The following F13A1 variants were observed in gnomAD, a reference collection of about 807,000 sequenced individuals.
F13A1 encodes the protein coagulation factor XIII A chain.
A neutral mutation model predicts 80.1 loss-of-function variants in F13A1; 47 were observed. That is an observed-to-expected ratio of 0.59 (90% confidence interval 0.46 to 0.75). F13A1 has a LOEUF of 0.75. Ranked by LOEUF, F13A1 falls within the 30% of genes least tolerant of loss-of-function variation. F13A1 has a pLI of 0.00. For missense variants in F13A1, 817 were observed against 930.4 expected, an observed-to-expected ratio of 0.88 and a Z score of 1.59; for synonymous variants, 349 against 344.9, an observed-to-expected ratio of 1.01 and a Z score of -0.13.
chr6:6,220,280 C>G (rs1013366095), intron 8 of F13A1, among the ~76,000 whole-genome samples: 3 of 152,154 alleles, frequency 2.0e-5, no homozygotes, highest in Admixed American at 6.5e-5. Flanking sequence ...CCAGGAAGAA[C>G]AGTCTCAGGG....
At chr6:6,209,323 T>TAAAAAAAA (rs34436663) in intron 8 of F13A1, among the ~76,000 whole-genome samples, 2 of 131,784 alleles carry the variant, frequency 1.5e-5, no homozygotes, top group Non-Finnish European at 1.7e-5. Flanking sequence ...CAATAATAAT[T>TAAAAAAAA]AAAAAAAAAA....
intron 4 of F13A1, among the ~76,000 whole-genome samples, chr6:6,262,580 C>A (rs1314800356): frequency 1.3e-5 from 2 of 152,098 alleles, no homozygotes; most frequent in East Asian, 3.9e-4. Context: ...GAGCACCCTC[C>A]CGGCATGTCC....
chr6:6,232,605 T>G (rs1246396864), intron 6 of F13A1, among the ~76,000 whole-genome samples: 1 of 152,116 alleles, frequency 6.6e-6, no homozygotes, highest in Non-Finnish European at 1.5e-5. Context: ...CAAATGGACT[T>G]AACAGATATA....
At chr6:6,246,325 C>T (rs575251461) in intron 6 of F13A1, among the ~76,000 whole-genome samples, 62 of 152,186 alleles carry the variant, frequency 4.1e-4, no homozygotes, top group African/African-American at 1.4e-3. Context: ...TAAAACGGAA[C>T]AGATTTTGGA....
intron 6 of F13A1, among the ~76,000 whole-genome samples, chr6:6,229,167 T>C (rs113614163): frequency 2.6e-5 from 4 of 152,208 alleles, no homozygotes; most frequent in African/African-American, 9.6e-5. Context: ...ACAAGAATGA[T>C]GCAAGTTTGA....
At chr6:6,200,692 G>A (rs1030474109) in intron 8 of F13A1, among the ~76,000 whole-genome samples, 12 of 152,294 alleles carry the variant, frequency 7.9e-5, no homozygotes, top group Middle Eastern at 3.4e-3. Context: ...GAGGAATGGA[G>A]GAAGGTAGAG....
In F13A1 at chr6:6,320,600, C is replaced by T. The variant is rs1266696053; in HGVS notation, c.-32G>A. 1.1e-5 allele frequency: 5 copies of T among 469,508 alleles called. No homozygotes were observed. The highest frequency in any genetic ancestry group is 2.2e-5 in the Non-Finnish European group (5 of 226,164). 29.1% of individuals were successfully genotyped at this position (469,508 alleles called of 1,614,324 possible). A position where few individuals can be genotyped will look rare whatever the true frequency, so the allele number is the denominator to read the frequency against. On this transcript the variant is annotated 5_prime_UTR_variant, in exon 1 of 15. Transcript: ENST00000264870. ...TCGGTGGCTTACCTGCAGGCGCTCC[C>T]CTCCAGAGGTGCCCTCGCGTGGGCT...
rs771870204 is a variant in F13A1 at position 6,224,673 on chromosome 6, G to T, written c.973+13C>A. 177 of 1,612,364 alleles carry T rather than the reference G, an allele frequency of 1.1e-4. No individual in the cohort carries two copies. Among genetic ancestry groups the T allele is most frequent in the Non-Finnish European group, 1.5e-4 (174 of 1,178,678 alleles). On this transcript the variant is annotated intron_variant, in intron 7 of 14. Transcript: ENST00000264870. ...CTTTATATTAAAAAGAAATTACTCA[G>T]TTGGATACTTACATGTGTTAAAGAC...
intron 14 of F13A1, among the ~76,000 whole-genome samples, chr6:6,150,051 C>T (rs544955370): frequency 1.3e-5 from 2 of 152,162 alleles, no homozygotes; most frequent in African/African-American, 2.4e-5. Flanking sequence ...CTAAGACACA[C>T]AGTGTCTTTT....
intron 2 of F13A1, among the ~76,000 whole-genome samples, chr6:6,313,280 C>CTTTTTTTTTTTTTTTTTTTTTTTTTT (rs5874027): frequency 1.6e-5 from 2 of 126,786 alleles, no homozygotes; most frequent in African/African-American, 6.1e-5. Flanking sequence ...GCTAAGCCGC[C>CTTTTTTTTTTTTTTTTTTTTTTTTTT]TTTTTTTTTT....
In F13A1 at chr6:6,190,472, A is replaced by T. The variant is rs36038687; in HGVS notation, c.1305+5325T>A. ...GGACCCTCAGCTGCAGGTCTGTTGG[A>T]ATACCCTGCTGTGTAAGGTGTCAGT... On this transcript the variant is annotated intron_variant, in intron 10 of 14. Coordinates refer to ENST00000264870, the MANE Select transcript of F13A1 (RefSeq NM_000129.4). Among the ~76,000 whole-genome samples the T allele has an allele frequency of 3.8e-4, 57 of 148,418 alleles. No homozygotes were observed. The East Asian group carries it at 9.9e-3, about 26-fold the overall frequency.
chr6:6,291,767 G>A (rs1433576979), intron 3 of F13A1, among the ~76,000 whole-genome samples: 2 of 152,124 alleles, frequency 1.3e-5, no homozygotes, highest in African/African-American at 4.8e-5. Context: ...TTTCCCCAGG[G>A]CTTAAGCCTC....
intron 3 of F13A1, among the ~76,000 whole-genome samples, chr6:6,296,896 C>T (rs980313712): frequency 6.7e-6 from 1 of 148,498 alleles, no homozygotes; most frequent in Non-Finnish European, 1.5e-5. Flanking sequence ...TCATAGATAG[C>T]TCTTATTATT....
At chr6:6,217,968 G>A (rs1561658556) in intron 8 of F13A1, among the ~76,000 whole-genome samples, 1 of 152,106 alleles carries the variant, frequency 6.6e-6, no homozygotes, top group Non-Finnish European at 1.5e-5. Context: ...CTTGCTCTAT[G>A]CCCTGCACAC....
At chr6:6,256,339 A>T (rs924602055) in intron 4 of F13A1, among the ~76,000 whole-genome samples, 1 of 152,158 alleles carries the variant, frequency 6.6e-6, no homozygotes, top group African/African-American at 2.4e-5. Context: ...ACCTTGGACC[A>T]ACTGACAACT....
chr6:6,248,959 T>A (rs1002350642), intron 5 of F13A1, among the ~76,000 whole-genome samples: 11 of 152,200 alleles, frequency 7.2e-5, no homozygotes, highest in Non-Finnish European at 1.5e-5. Flanking sequence ...TGAGACAAGG[T>A]GGACCCCAGG....
intron 10 of F13A1, among the ~76,000 whole-genome samples, chr6:6,192,905 CAAG>C (rs1314216383): frequency 6.6e-6 from 1 of 152,138 alleles, no homozygotes; most frequent in African/African-American, 2.4e-5. Context: ...TTATCTTTGG[CAAG>C]AAGGAGAGAG....
In F13A1 at chr6:6,266,673, T is replaced by A; in HGVS notation, c.456A>T (p.Lys152Asn). ...SVRLSIQSSP[K>N]CIVGKFRMYV... ...ACATGCGGAATTTCCCCACAATACATTTGGGGGAAGACTGGATGGACAGCC... is the reference window on the plus strand; with the variant it reads ...ACATGCGGAATTTCCCCACAATACAATTGGGGGAAGACTGGATGGACAGCC... Residue 152 changes from lysine (K) to asparagine (N), a missense_variant, in exon 4 of 15, where the codon AAA becomes AAT. Coordinates refer to ENST00000264870, the MANE Select transcript of F13A1 (RefSeq NM_000129.4). The A allele has an allele frequency of 6.2e-7, 1 of 1,614,174 alleles. No homozygotes were observed. Among genetic ancestry groups the A allele is most frequent in the Non-Finnish European group, 8.5e-7 (1 of 1,180,040 alleles).
chr6:6,294,606 G>T (rs1440299881), intron 3 of F13A1, among the ~76,000 whole-genome samples: 1 of 151,152 alleles, frequency 6.6e-6, no homozygotes, highest in Non-Finnish European at 1.5e-5. Context: ...ATCCTATTAG[G>T]TCTGTCCCTC....
Sources: allele counts gnomAD v4.1 joint callset (sites outside exome capture counted in the v4.1 genomes callset), GRCh38; gene constraint gnomAD v4.1.1; transcripts MANE v1.5; gene names NCBI Gene and HGNC (gene_info 2026-07-23, HGNC 2026-07-21).